CDH16: variants seen among roughly 807,000 people sequenced by gnomAD.
CDH16 encodes the protein cadherin 16, also known as cadherin-16.
Under a neutral mutation model 87.6 loss-of-function variants are expected in CDH16, and 79 were observed. The ratio of observed to expected loss-of-function variants is 0.90; its 90% CI spans 0.75 to 1.09. The LOEUF is 1.09. CDH16 is among the 50% of genes least tolerant of loss of function. CDH16 has a pLI of 0.00. For synonymous variants in CDH16, 457 were observed against 439.5 expected, an observed-to-expected ratio of 1.04 and a Z score of -0.50; for missense variants, 1,124 against 1,071.7, an observed-to-expected ratio of 1.05 and a Z score of -0.68.
Position 66,912,739 on chromosome 16 carries a change from C to T in CDH16, c.1207G>A (p.Gly403Arg). 2 of 1,613,816 alleles carry T rather than the reference C, an allele frequency of 1.2e-6. No homozygotes were observed. Among genetic ancestry groups the T allele is most frequent in the Non-Finnish European group, 1.7e-6 (2 of 1,180,026 alleles). ...VDPTSGSVTL[G>R]VLPLRAGQNI... ...TGGCCTGCTCGGAGTGGGAGCACCC[C>T]CAGCGTCACACTGCCTGAAGTGGGG... Residue 403 changes from glycine to arginine, a missense_variant, in exon 10 of 18, where the codon GGG becomes AGG. Coordinates refer to ENST00000299752, the MANE Select transcript of CDH16 (RefSeq NM_004062.4).
chr16:66,915,508 G>A (rs958657743), intron 5 of CDH16, 130 bp from the exon 6 acceptor site: 7 of 1,026,732 alleles, frequency 6.8e-6, no homozygotes, highest in South Asian at 1.7e-5. Context: ...GATGAGCCAC[G>A]GCTTTTCGTC....
rs773586106 is a variant in CDH16, at chr16:66,915,200, C to G, written c.583+20G>C. On this transcript the variant is annotated intron_variant, in intron 6 of 17. Transcript: ENST00000299752. Reference sequence around the variant, plus strand: ...GCTTTCTCTGACCCTCCCTCCCCAGCACACCCCGCTCGGGCTTACCCTTGG... The same window carrying G: ...GCTTTCTCTGACCCTCCCTCCCCAGGACACCCCGCTCGGGCTTACCCTTGG... The G allele has an allele frequency of 3.1e-6, 5 of 1,589,606 alleles. No homozygotes were observed. In the South Asian group the frequency reaches 5.6e-5, roughly 18 times the overall value.
chr16:66,910,508 G>A lies in CDH16; in HGVS notation c.1925-6C>T. On this transcript the variant is annotated splice_region_variant and splice_polypyrimidine_tract_variant and intron_variant, in intron 14 of 17. Transcript: ENST00000299752. ...AGCGCTCAGTCTCGGCTCATCTGCA[G>A]AGGAGGCAGTGCTGAGCTGGCCAGG... The A allele has an allele frequency of 6.6e-7, 1 of 1,510,764 alleles. No individual in the cohort carries two copies. The highest frequency in any genetic ancestry group is 8.9e-7 in the Non-Finnish European group (1 of 1,125,334). 93.6% of individuals were successfully genotyped at this position (1,510,764 alleles called of 1,614,324 possible).
Position 66,916,090 on chromosome 16 carries a change from A to T in CDH16, c.399T>A (p.Ala133=). Residue 133 remains alanine (A), a synonymous_variant, in exon 5 of 18, where the codon GCT becomes GCA. Transcript: ENST00000299752. This position sits in a 1 kb window ranked among gnomAD's most constrained non-coding sequence, Gnocchi z 4.1. ...CAGGCCTGGTACCCCGGCTCAGCCG[A>T]GCTCTGTAGATGGCTTGAGAGAAAT... is the stretch of plus-strand genomic sequence containing the variant. The part of the protein sequence containing the change: ...VPHFSQAIYR[A]RLSRGTRPGI... 6.2e-7 allele frequency: 1 copy of T among 1,614,192 alleles called. No individual in the cohort carries two copies. Among genetic ancestry groups the T allele is most frequent in the Non-Finnish European group, 8.5e-7 (1 of 1,180,034 alleles).
At chr16:66,908,621 T>A in intron 17 of CDH16, 132 bp from the exon 18 acceptor site, 1 of 743,394 alleles carries the variant, frequency 1.3e-6, no homozygotes, top group Non-Finnish European at 2.3e-6. Context: ...GAGGCTGGGC[T>A]GGGTATGACT....
intron 5 of CDH16, 151 bp from the exon 6 acceptor site, chr16:66,915,529 G>T: frequency 2.4e-6 from 2 of 831,422 alleles, no homozygotes; most frequent in East Asian, 2.8e-5. Context: ...CTACTTCCCA[G>T]ATGAGCAAAC....
intron 9 of CDH16, 37 bp downstream of exon 9, chr16:66,913,094 A>C: frequency 3.2e-6 from 5 of 1,579,370 alleles, no homozygotes; most frequent in Non-Finnish European, 4.3e-6. Context: ...CCAGGTGGTT[A>C]ATAGAGACTT....
rs926545942 is a variant in CDH16, at chr16:66,913,573, C to T, written c.821G>A (p.Ser274Asn). The T allele has an allele frequency of 6.2e-7, 1 of 1,614,126 alleles. No homozygotes were observed. The highest frequency in any genetic ancestry group is 1.7e-5 in the Admixed American group (1 of 60,018). Residue 274 changes from serine to asparagine, a missense_variant, in exon 8 of 18, where the codon AGC becomes AAC. Coordinates refer to ENST00000299752, the MANE Select transcript of CDH16 (RefSeq NM_004062.4). ...CACTTCAAAGGGTCCCGGGGGATGG[C>T]TCTCCAGGTGATAGTGCACATCACC... is the stretch of plus-strand genomic sequence containing the variant. ...SGGDVHYHLE[S>N]HPPGPFEVNA... is the part of the protein sequence containing the mutation.
chr16:66,915,379 C>T lies in CDH16; in HGVS notation c.425-1G>A, dbSNP rs766979553. The T allele has an allele frequency of 1.2e-6, 2 of 1,613,492 alleles. No individual in the cohort carries two copies. Among genetic ancestry groups the T allele is most frequent in the Non-Finnish European group, 1.7e-6 (2 of 1,179,732 alleles). On this transcript the variant is annotated splice_acceptor_variant, in intron 5 of 17. Coordinates refer to ENST00000299752, the MANE Select transcript of CDH16 (RefSeq NM_004062.4). LOFTEE classifies it high-confidence loss of function. Reference sequence around the variant, plus strand: ...GCCTCAAGGAAGAGGAAGGGGATGCCTGGTTCACGGTGGGAGGGCAAACTG... The same window carrying T: ...GCCTCAAGGAAGAGGAAGGGGATGCTTGGTTCACGGTGGGAGGGCAAACTG...
At position 66,909,976 on chromosome 16, in the gene CDH16, C is replaced by T. The variant is rs1962334964; in HGVS notation, c.2275+10G>A. ...CAGGAACTGCAGGCTGCACCCAAGC[C>T]CAATCTCACCTCGAACCAGGAGCTG... On this transcript the variant is annotated intron_variant, in intron 16 of 17. Transcript: ENST00000299752. This position sits in a 1 kb window ranked among gnomAD's most constrained non-coding sequence, Gnocchi z 4.1. The T allele has an allele frequency of 6.3e-7, 1 of 1,588,412 alleles. No individual in the cohort carries two copies. The highest frequency in any genetic ancestry group is 8.6e-7 in the Non-Finnish European group (1 of 1,165,722).
chr16:66,913,023 T>TGA, intron 9 of CDH16, 108 bp downstream of exon 9: 1 of 1,282,088 alleles, frequency 7.8e-7, no homozygotes, highest in South Asian at 1.3e-5. Context: ...TGTGTGTGTG[T>TGA]TATGGAGGGA....
intron 5 of CDH16, among the ~76,000 whole-genome samples, 178 bp from the exon 6 acceptor site, chr16:66,915,556 T>A (rs1434249404): frequency 3.9e-5 from 6 of 152,162 alleles, no homozygotes. Context: ...CAAGAATGGA[T>A]GGCACCCTCA....
In CDH16 at chr16:66,910,338, T is replaced by C; in HGVS notation, c.2089A>G (p.Ser697Gly). ...SGPSKDPDLA[S>G]GHGPYSFTLG... ...GTGAAGCTGTAGGGACCGTGCCCACTGGCCAGATCGGGGTCCTTGCTGGGT... is the reference window on the plus strand; with the variant it reads ...GTGAAGCTGTAGGGACCGTGCCCACCGGCCAGATCGGGGTCCTTGCTGGGT... The change falls in exon 15 of 18, where the codon AGT (serine) becomes GGT (glycine). Residue 697 changes from serine (S) to glycine (G), a missense_variant. Coordinates refer to ENST00000299752, the MANE Select transcript of CDH16 (RefSeq NM_004062.4). 1.2e-6 allele frequency: 2 copies of C among 1,613,798 alleles called. No individual in the cohort carries two copies. Among genetic ancestry groups the C allele is most frequent in the Non-Finnish European group, 1.7e-6 (2 of 1,179,852 alleles).
chr16:66,911,162 C>T lies in CDH16; in HGVS notation c.1924+20G>A, dbSNP rs762929317. 1.9e-6 allele frequency: 3 copies of T among 1,598,034 alleles called. 1 individual carries two copies. In the South Asian group the frequency reaches 3.4e-5, roughly 18 times the overall value. ...GGTTTGTACCCCCTCCCAGGGGCTC[C>T]CATCACTGCCTGGCCATACCTGTAT... On this transcript the variant is annotated intron_variant, in intron 14 of 17. Coordinates refer to ENST00000299752, the MANE Select transcript of CDH16 (RefSeq NM_004062.4).
Position 66,912,829 on chromosome 16 carries a change from C to T in CDH16, c.1117G>A (p.Val373Ile), listed in dbSNP as rs375247196. The T allele has an allele frequency of 1.3e-5, 21 of 1,613,512 alleles. No individual in the cohort carries two copies. Among genetic ancestry groups the T allele is most frequent in the South Asian group, 6.6e-5 (6 of 91,086 alleles). The change falls in exon 10 of 18, where the codon GTT becomes ATT. Residue 373 changes from valine (V) to isoleucine (I), a missense_variant. Transcript: ENST00000299752. ...ADAPGSPNSHVVYQLLSPEPE... is the reference protein window; with the variant it reads ...ADAPGSPNSHIVYQLLSPEPE... Reference sequence around the variant, plus strand: ...TCAGGGCTCAGGAGCTGATACACAACGTGGGAATTGGGGGAGCCGGGGGCA... The same window carrying T: ...TCAGGGCTCAGGAGCTGATACACAATGTGGGAATTGGGGGAGCCGGGGGCA...
intron 13 of CDH16, 67 bp from the exon 14 acceptor site, chr16:66,911,382 A>G: frequency 1.3e-6 from 2 of 1,521,424 alleles, no homozygotes; most frequent in South Asian, 2.4e-5. Context: ...AGAATCCCCC[A>G]GGGCTGTGTG....
chr16:66,911,407 C>T (rs999487457), intron 13 of CDH16, 92 bp from the exon 14 acceptor site: 74 of 1,323,848 alleles, frequency 5.6e-5, no homozygotes, highest in Non-Finnish European at 7.5e-5. Context: ...GCTTAAATTC[C>T]ACACCCTCTC....
chr16:66,914,197 C>G lies in CDH16; in HGVS notation c.780+19G>C, dbSNP rs768229351. Reference sequence around the variant, plus strand: ...ACCATCCATGGGGCTGCTTCAGCCACTGACAGCCACTTACTCACCTGGGCC... The same window carrying G: ...ACCATCCATGGGGCTGCTTCAGCCAGTGACAGCCACTTACTCACCTGGGCC... On this transcript the variant is annotated intron_variant, in intron 7 of 17. Coordinates refer to ENST00000299752, the MANE Select transcript of CDH16 (RefSeq NM_004062.4). The G allele has an allele frequency of 1.2e-6, 2 of 1,603,738 alleles. No homozygotes were observed. The highest frequency in any genetic ancestry group is 8.5e-7 in the Non-Finnish European group (1 of 1,171,656).
At chr16:66,910,652 C>A in intron 14 of CDH16, 150 bp from the exon 15 acceptor site, 1 of 838,466 alleles carries the variant, frequency 1.2e-6, no homozygotes, top group Non-Finnish European at 1.7e-6. Flanking sequence ...GTCATCATCC[C>A]CATGCCACTG....
Sources: gnomAD v4.1 joint callset for allele counts (sites outside exome capture counted in the v4.1 genomes callset) on GRCh38, gnomAD v4.1.1 for gene constraint, Gnocchi (gnomAD v3.1) non-coding constraint, MANE v1.5 for transcripts, NCBI Gene and HGNC (gene_info 2026-07-23, HGNC 2026-07-21) for gene names.